LIN9: variants seen among roughly 807,000 people sequenced by gnomAD.
LIN9 encodes protein lin-9 homolog.
A neutral mutation model predicts 78.0 loss-of-function variants in LIN9; 18 were observed. That is an observed-to-expected ratio of 0.23 (90% CI 0.16 to 0.34). The LOEUF (loss-of-function observed/expected upper bound fraction) is 0.34. Ranked by LOEUF, LIN9 falls within the 10% of genes least tolerant of loss-of-function variation. LIN9 has a pLI of 1.00. For synonymous variants in LIN9, 192 were observed against 215.2 expected, an observed-to-expected ratio of 0.89 and a Z score of 0.94; for missense variants, 451 against 644.1, an observed-to-expected ratio of 0.70 and a Z score of 3.25.
At chr1:226,301,357 A>G in intron 1 of LIN9, 152 bp from the exon 2 acceptor site, 1 of 582,220 alleles carries the variant, frequency 1.7e-6, no homozygotes, top group Non-Finnish European at 3.0e-6. Flanking sequence ...TCTGGCAGAC[A>G]ATTCAAACTA....
intron 7 of LIN9, among the ~76,000 whole-genome samples, chr1:226,277,101 T>G (rs1016953069): frequency 2.0e-5 from 3 of 151,144 alleles, no homozygotes; most frequent in Non-Finnish European, 4.4e-5. Flanking sequence ...TCCCGCACTT[T>G]GGGAAACTGA....
intron 7 of LIN9, among the ~76,000 whole-genome samples, chr1:226,276,421 T>C (rs1229592188): frequency 6.6e-6 from 1 of 152,216 alleles, no homozygotes; most frequent in Non-Finnish European, 1.5e-5. Context: ...AAGACAGAGA[T>C]CATATCATCT....
intron 7 of LIN9, among the ~76,000 whole-genome samples, 159 bp from the exon 8 acceptor site, chr1:226,268,249 A>G (rs373216254): frequency 2.6e-5 from 4 of 152,328 alleles, no homozygotes; most frequent in African/African-American, 9.6e-5. Context: ...GAAACAACAA[A>G]GAATTTTTGA....
chr1:226,273,392 G>A (rs574997019), intron 7 of LIN9, among the ~76,000 whole-genome samples: 14 of 151,386 alleles, frequency 9.2e-5, no homozygotes, highest in African/African-American at 1.5e-4. Flanking sequence ...GGAACTACAG[G>A]AGCACAACAC....
In LIN9 at chr1:226,272,378, T is replaced by TG. The variant is rs1039478373; in HGVS notation, c.683-4289dup. ...GCCAATCATTACTTTTTAATTGAAG[T>TG]GGCTTTTTTTTTTTTTTTTGAGACA... On this transcript the variant is annotated intron_variant, in intron 7 of 14. Coordinates refer to ENST00000681046, the MANE Select transcript of LIN9 (RefSeq NM_001366245.2). Among the ~76,000 whole-genome samples the TG allele has an allele frequency of 1.3e-5, 2 of 149,788 alleles. 1 individual carries two copies. Among genetic ancestry groups the TG allele is most frequent in the African/African-American group, 4.9e-5 (2 of 40,732 alleles).
At chr1:226,248,639 T>C (rs1275072156) in intron 11 of LIN9, among the ~76,000 whole-genome samples, 1 of 152,194 alleles carries the variant, frequency 6.6e-6, no homozygotes, top group African/African-American at 2.4e-5. Context: ...AATACAATCA[T>C]TTTAAAAGAT....
chr1:226,281,135 A>G (rs1303683295), intron 6 of LIN9, among the ~76,000 whole-genome samples: 1 of 152,234 alleles, frequency 6.6e-6, no homozygotes, highest in Non-Finnish European at 1.5e-5. Context: ...ATGATATTGG[A>G]AGTCATTATG....
At chr1:226,240,176 C>G (rs557571403) in intron 11 of LIN9, among the ~76,000 whole-genome samples, 1 of 152,292 alleles carries the variant, frequency 6.6e-6, no homozygotes, top group South Asian at 2.1e-4. Flanking sequence ...TAATGATGTG[C>G]TGATTACTTA....
chr1:226,295,253 C>G (rs1042508301), intron 4 of LIN9, among the ~76,000 whole-genome samples: 3 of 151,738 alleles, frequency 2.0e-5, no homozygotes, highest in African/African-American at 7.3e-5. Context: ...AGTTCAAGAC[C>G]AGCCTGGCCA....
At chr1:226,275,650 G>A (rs1317786517) in intron 7 of LIN9, among the ~76,000 whole-genome samples, 1 of 146,124 alleles carries the variant, frequency 6.8e-6, no homozygotes, top group Non-Finnish European at 1.5e-5. Context: ...CCGAGACTGA[G>A]GCACTGCACT....
chr1:226,293,220 A>G (rs1661903047), intron 4 of LIN9, among the ~76,000 whole-genome samples: 1 of 152,226 alleles, frequency 6.6e-6, no homozygotes, highest in Non-Finnish European at 1.5e-5. Context: ...AACTTTTCAC[A>G]TACTTGAAGA....
intron 12 of LIN9, among the ~76,000 whole-genome samples, chr1:226,234,750 A>G (rs1191542641): frequency 6.6e-6 from 1 of 152,106 alleles, no homozygotes; most frequent in Non-Finnish European, 1.5e-5. Context: ...ACTCACTTAT[A>G]CATATAGCAT....
chr1:226,291,095 A>T (rs1661762477), intron 4 of LIN9, among the ~76,000 whole-genome samples: 1 of 152,194 alleles, frequency 6.6e-6, no homozygotes, highest in African/African-American at 2.4e-5. Context: ...GTACTGCTTT[A>T]AAAACTTTAA....
At chr1:226,273,655 A>T (rs1403842487) in intron 7 of LIN9, among the ~76,000 whole-genome samples, 1 of 151,990 alleles carries the variant, frequency 6.6e-6, no homozygotes, top group Non-Finnish European at 1.5e-5. Flanking sequence ...AACCAGCAGC[A>T]TTACTTTGAA....
intron 1 of LIN9, among the ~76,000 whole-genome samples, chr1:226,303,375 A>G (rs1662684663): frequency 1.3e-5 from 2 of 152,216 alleles, no homozygotes; most frequent in Non-Finnish European, 2.9e-5. Flanking sequence ...CACTCTGGAA[A>G]AAATAAAGCA....
chr1:226,265,447 C>T lies in LIN9; in HGVS notation c.1038+86G>A, dbSNP rs529181774. On this transcript the variant is annotated intron_variant, in intron 10 of 14. Transcript: ENST00000681046. The surrounding 1 kb of genome is among the most constrained non-coding windows in gnomAD (Gnocchi z 4.1). ...AAACCTACACGGTGATAAACCTACA[C>T]GGCCCTAGAAAAATTTTCAACTTTA... is the stretch of plus-strand genomic sequence containing the variant. 2.7e-5 allele frequency: 19 copies of T among 698,050 alleles called. No homozygotes were observed. The highest frequency in any genetic ancestry group is 1.5e-4 in the African/African-American group (8 of 54,828). 43.2% of individuals were successfully genotyped at this position (698,050 alleles called of 1,614,324 possible). A position where few individuals can be genotyped will look rare whatever the true frequency, so the allele number is the denominator to read the frequency against.
intron 2 of LIN9, among the ~76,000 whole-genome samples, 160 bp downstream of exon 2, chr1:226,301,013 C>T (rs979566512): frequency 6.6e-6 from 1 of 152,024 alleles, no homozygotes; most frequent in Non-Finnish European, 1.5e-5. Flanking sequence ...AGGATCAATT[C>T]TCCTATAAAA....
chr1:226,245,346 G>A (rs12126913), intron 11 of LIN9, among the ~76,000 whole-genome samples: 188 of 152,230 alleles, frequency 1.2e-3, no homozygotes, highest in African/African-American at 4.4e-3. Flanking sequence ...TTATGTGTAA[G>A]AATGCCTACT....
At chr1:226,272,249 T>C (rs1243680384) in intron 7 of LIN9, among the ~76,000 whole-genome samples, 3 of 151,922 alleles carry the variant, frequency 2.0e-5, no homozygotes, top group African/African-American at 7.3e-5. Context: ...GGAGACGGGG[T>C]TTCACCATGT....
Sources: allele counts gnomAD v4.1 joint callset (sites outside exome capture counted in the v4.1 genomes callset), GRCh38; gene constraint gnomAD v4.1.1; non-coding constraint Gnocchi (gnomAD v3.1); transcripts MANE v1.5; gene names NCBI Gene and HGNC (gene_info 2026-07-23, HGNC 2026-07-21).